Variants in CFAP61 observed in about 807,000 individuals in gnomAD.
CFAP61 encodes cilia and flagella associated protein 61, also known as cilia- and flagella-associated protein 61.
In CFAP61, 107 loss-of-function variants were observed where a neutral mutation model predicts 135.6. The observed-to-expected ratio is 0.79, with a 90% CI of 0.67 to 0.93. The LOEUF is 0.93. Ranked by LOEUF, CFAP61 falls within the 40% of genes least tolerant of loss-of-function variation. CFAP61 has a pLI of 0.00. For missense variants in CFAP61, 1,507 were observed against 1,556.2 expected (o/e 0.97, Z 0.53); for synonymous variants, 575 against 578.5 (o/e 0.99, Z 0.09).
intron 3 of CFAP61, among the ~76,000 whole-genome samples, chr20:20,073,093 C>A (rs1265211849): frequency 6.6e-6 from 1 of 152,144 alleles, no homozygotes; most frequent in Non-Finnish European, 1.5e-5. Context: ...AAGAATAAAT[C>A]TTGCATTGTA....
At chr20:20,280,069 G>A (rs1353411275) in intron 22 of CFAP61, among the ~76,000 whole-genome samples, 1 of 152,110 alleles carries the variant, frequency 6.6e-6, no homozygotes, top group Non-Finnish European at 1.5e-5. Flanking sequence ...CTGACCCCCA[G>A]TACCAGTGAA....
At chr20:20,318,824 A>C (rs2057284425) in intron 25 of CFAP61, among the ~76,000 whole-genome samples, 1 of 152,168 alleles carries the variant, frequency 6.6e-6, no homozygotes, top group South Asian at 2.1e-4. Context: ...GGCAGACAAA[A>C]AGCTTTCCTT....
intron 13 of CFAP61, among the ~76,000 whole-genome samples, chr20:20,176,797 A>G (rs4814950): frequency 0.9 from 137,329 of 152,124 alleles, 62,812 homozygotes; most frequent in Middle Eastern, 0.99. Context: ...ATGGGTTGAC[A>G]GGTGCAACAA....
chr20:20,082,883 G>A lies in CFAP61; in HGVS notation c.566+7268G>A, dbSNP rs143587065. Among the ~76,000 whole-genome samples, 57 of 152,242 alleles carry A rather than the reference G, an allele frequency of 3.7e-4. No individual in the cohort carries two copies. The East Asian group carries it at 9.3e-3, about 25-fold the overall frequency. Reference sequence around the variant, plus strand: ...ATGTGGTGAAAAAGAACACTTTTACGCTGCTGGTGGGAATGTAAACTAGTA... The same window carrying A: ...ATGTGGTGAAAAAGAACACTTTTACACTGCTGGTGGGAATGTAAACTAGTA... On this transcript the variant is annotated intron_variant, in intron 6 of 26. Coordinates refer to ENST00000245957, the MANE Select transcript of CFAP61 (RefSeq NM_015585.4).
chr20:20,077,606 G>A (rs892668989), intron 6 of CFAP61, among the ~76,000 whole-genome samples: 1 of 152,186 alleles, frequency 6.6e-6, no homozygotes, highest in Non-Finnish European at 1.5e-5. Flanking sequence ...CTACAGCTTG[G>A]TTTTATACAT....
intron 21 of CFAP61, among the ~76,000 whole-genome samples, chr20:20,269,188 C>CATGTATGT (rs2053107067): frequency 7.6e-6 from 1 of 131,142 alleles, no homozygotes; most frequent in Admixed American, 7.8e-5. Context: ...TATACACACA[C>CATGTATGT]ATATATACAT....
chr20:20,200,775 C>G, intron 17 of CFAP61: 1 of 985,374 alleles, frequency 1.0e-6, no homozygotes, highest in Non-Finnish European at 1.2e-6. Flanking sequence ...ATAAACACCT[C>G]GCAATACGCT....
intron 17 of CFAP61, among the ~76,000 whole-genome samples, chr20:20,207,019 A>C (rs143752175): frequency 1.4e-3 from 216 of 152,172 alleles, no homozygotes; most frequent in African/African-American, 5.1e-3. Flanking sequence ...CACCACTCCA[A>C]GAGAGCTTCA....
In CFAP61 at chr20:20,169,304, G is replaced by A; in HGVS notation, c.1246-17G>A. On this transcript the variant is annotated splice_polypyrimidine_tract_variant and intron_variant, in intron 12 of 26. Transcript: ENST00000245957. ...TTTTTTATTCTTTCTCTGTGTCCTG[G>A]TTTTTGATGATGTTAGGATAAGAAC... 1 of 1,602,336 alleles carries A rather than the reference G, an allele frequency of 6.2e-7. No homozygotes were observed. The highest frequency in any genetic ancestry group is 8.5e-7 in the Non-Finnish European group (1 of 1,172,732).
At chr20:20,180,706 A>G (rs1039567349) in intron 13 of CFAP61, among the ~76,000 whole-genome samples, 1 of 152,172 alleles carries the variant, frequency 6.6e-6, no homozygotes, top group Non-Finnish European at 1.5e-5. Flanking sequence ...ACATACACAC[A>G]CATGTTCATT....
At chr20:20,099,688 C>T (rs1318363799) in intron 8 of CFAP61, among the ~76,000 whole-genome samples, 1 of 152,052 alleles carries the variant, frequency 6.6e-6, no homozygotes, top group African/African-American at 2.4e-5. Context: ...TTCTTTGTGT[C>T]GGCCTTCCAC....
intron 10 of CFAP61, among the ~76,000 whole-genome samples, chr20:20,162,852 C>CAAT (rs33964338): frequency 9.6e-4 from 3 of 3,140 alleles, no homozygotes; most frequent in Non-Finnish European, 8.0e-3. Context: ...CTTTGCTCAG[C>CAAT]AACAACAGAA....
chr20:20,154,800 C>A (rs1317016731), intron 9 of CFAP61, among the ~76,000 whole-genome samples: 1 of 152,130 alleles, frequency 6.6e-6, no homozygotes, highest in Non-Finnish European at 1.5e-5. Context: ...GAAACACATC[C>A]CATGCTCATG....
chr20:20,072,141 G>T (rs2045761717), intron 3 of CFAP61, among the ~76,000 whole-genome samples: 1 of 100,696 alleles, frequency 9.9e-6, no homozygotes, highest in Non-Finnish European at 1.8e-5. Context: ...TTGAGATGGA[G>T]TCTCACTCTG....
At chr20:20,285,240 T>C (rs982275798) in intron 22 of CFAP61, among the ~76,000 whole-genome samples, 1 of 152,056 alleles carries the variant, frequency 6.6e-6, no homozygotes. Context: ...AATTTGATGC[T>C]GTGGGTATTC....
intron 6 of CFAP61, among the ~76,000 whole-genome samples, chr20:20,080,686 A>C (rs1415520794): frequency 2.0e-5 from 3 of 152,178 alleles, no homozygotes; most frequent in Non-Finnish European, 4.4e-5. Context: ...CATCTTCATC[A>C]GTGCTGAGTA....
At chr20:20,322,957 G>A in intron 25 of CFAP61, 1 of 985,450 alleles carries the variant, frequency 1.0e-6, no homozygotes. Flanking sequence ...TTCCAGGGTT[G>A]AGACTGTTAA....
chr20:20,120,793 T>G (rs2049550924), intron 8 of CFAP61, among the ~76,000 whole-genome samples: 1 of 152,206 alleles, frequency 6.6e-6, no homozygotes, highest in African/African-American at 2.4e-5. Context: ...AATATTTGCT[T>G]TGTATACTCG....
Position 20,173,568 on chromosome 20 carries a change from G to A in CFAP61, c.1385+4108G>A, listed in dbSNP as rs138209463. Among the ~76,000 whole-genome samples the A allele has an allele frequency of 3.5e-3, 529 of 152,298 alleles. 4 individuals are homozygous for A. The highest frequency in any genetic ancestry group is 0.012 in the African/African-American group (515 of 41,546). ...TTGCCAACTGTATATCTTCTTTGGTGAGGTGTCTGTTTAGGTCTTTTGCCT... is the reference window on the plus strand; with the variant it reads ...TTGCCAACTGTATATCTTCTTTGGTAAGGTGTCTGTTTAGGTCTTTTGCCT... On this transcript the variant is annotated intron_variant, in intron 13 of 26. Coordinates refer to ENST00000245957, the MANE Select transcript of CFAP61 (RefSeq NM_015585.4).
Sources: allele counts gnomAD v4.1 joint callset (sites outside exome capture counted in the v4.1 genomes callset), GRCh38; gene constraint gnomAD v4.1.1; transcripts MANE v1.5; gene names NCBI Gene and HGNC (gene_info 2026-07-23, HGNC 2026-07-21).